Variants in TFEC observed in about 807,000 individuals in gnomAD.
The protein encoded by TFEC is transcription factor EC.
Under a neutral mutation model 41.6 loss-of-function variants are expected in TFEC, and 31 were observed. The observed-to-expected ratio is 0.74, with a 90% CI of 0.56 to 1.01. TFEC has a LOEUF of 1.01. Among genes scored for constraint, TFEC ranks in the 50% least tolerant of loss-of-function variants. TFEC has a pLI of 0.00. For missense variants in TFEC, 402 were observed against 404.1 expected, an observed-to-expected ratio of 0.99 and a Z score of 0.04; for synonymous variants, 143 against 140.6, an observed-to-expected ratio of 1.02 and a Z score of -0.12.
intron 2 of TFEC, among the ~76,000 whole-genome samples, chr7:115,979,884 A>G (rs1223376064): frequency 2.0e-5 from 3 of 152,118 alleles, no homozygotes; most frequent in African/African-American, 4.8e-5. Flanking sequence ...TTCCTGATTC[A>G]GGCTATAACT....
chr7:116,112,318 C>T (rs1159676281), intron 1 of TFEC, among the ~76,000 whole-genome samples: 1 of 151,920 alleles, frequency 6.6e-6, no homozygotes, highest in African/African-American at 2.4e-5. Context: ...TAAGATGTTC[C>T]ACTTGTATAC....
intron 1 of TFEC, among the ~76,000 whole-genome samples, chr7:116,030,237 C>T (rs1795743774): frequency 1.3e-5 from 2 of 151,818 alleles, no homozygotes; most frequent in African/African-American, 4.8e-5. Context: ...CCTTTAAAGC[C>T]AATAAAATAG....
rs1554378531 is a variant in TFEC at position 115,946,419 on chromosome 7, G to GTGTGTT, written c.516-4380_516-4379insAACACA. ...AACGTGTGTGTGTGTGTGTGTGTGT[G>GTGTGTT]TGTGTGTGTGTGTGTGTGTAGGGTC... On this transcript the variant is annotated intron_variant, in intron 6 of 7. Coordinates refer to ENST00000265440, the MANE Select transcript of TFEC (RefSeq NM_012252.4). 4.0e-4 allele frequency among the ~76,000 whole-genome samples: 56 copies of GTGTGTT among 141,516 alleles called. 1 individual carries two copies. Among genetic ancestry groups the GTGTGTT allele is most frequent in the Admixed American group, 5.6e-4 (8 of 14,206 alleles). 92.8% of individuals were successfully genotyped at this position (141,516 alleles called of 152,430 possible).
chr7:115,941,498 T>C, intron 7 of TFEC: 1 of 194,446 alleles, frequency 5.1e-6, no homozygotes, highest in South Asian at 1.8e-4. Context: ...ATGTCCAATA[T>C]AATGTAGAGA....
intron 3 of TFEC, among the ~76,000 whole-genome samples, chr7:116,097,782 T>C (rs1448394291): frequency 6.6e-6 from 1 of 152,196 alleles, no homozygotes; most frequent in Non-Finnish European, 1.5e-5. Context: ...AGGAAGATTA[T>C]TGTGCTGTAA....
Position 115,997,167 on chromosome 7 carries a change from T to C in TFEC, c.-72-12654A>G, listed in dbSNP as rs538392969. On this transcript the variant is annotated intron_variant, in intron 1 of 7. Transcript: ENST00000265440. ...TGCTGGCTTCAGTTCTGACACAGCA[T>C]AGTCCCATTGGAGGTGGCCAGAGGG... Among the ~76,000 whole-genome samples, 12 of 152,278 alleles carry C rather than the reference T, an allele frequency of 7.9e-5. No individual in the cohort carries two copies. The East Asian group carries it at 2.3e-3, about 29-fold the overall frequency.
At chr7:116,135,815 A>G (rs780456826) in intron 1 of TFEC, among the ~76,000 whole-genome samples, 1 of 152,154 alleles carries the variant, frequency 6.6e-6, no homozygotes, top group Non-Finnish European at 1.5e-5. Flanking sequence ...GCTTATAGAT[A>G]TAGTATGAGG....
At chr7:116,088,909 T>C (rs1327473765) in intron 3 of TFEC, among the ~76,000 whole-genome samples, 1 of 151,848 alleles carries the variant, frequency 6.6e-6, no homozygotes, top group Non-Finnish European at 1.5e-5. Flanking sequence ...ATTTACTGAG[T>C]GAGTACAAGG....
At chr7:116,124,772 A>G (rs903392372) in intron 1 of TFEC, among the ~76,000 whole-genome samples, 28 of 152,194 alleles carry the variant, frequency 1.8e-4, no homozygotes, top group African/African-American at 4.8e-4. Flanking sequence ...TCAAACTGAC[A>G]TTTTCAAAGG....
intron 1 of TFEC, among the ~76,000 whole-genome samples, chr7:115,987,470 A>T (rs528511453): frequency 1.1e-4 from 17 of 152,184 alleles, no homozygotes; most frequent in Non-Finnish European, 1.9e-4. Flanking sequence ...AAGTAAATGA[A>T]ATTATAGGTT....
At chr7:115,959,357 GGAGT>G (rs1792409375) in intron 3 of TFEC, among the ~76,000 whole-genome samples, 1 of 151,718 alleles carries the variant, frequency 6.6e-6, no homozygotes. Flanking sequence ...TTTGAGGTGA[GGAGT>G]GAATAACAGT....
intron 1 of TFEC, among the ~76,000 whole-genome samples, chr7:116,133,286 A>G (rs1433478636): frequency 6.6e-6 from 1 of 152,182 alleles, no homozygotes. Context: ...ACGGTGGTTC[A>G]TGCCTGTAAT....
chr7:116,089,180 G>T (rs890148957), intron 3 of TFEC, among the ~76,000 whole-genome samples: 1 of 152,024 alleles, frequency 6.6e-6, no homozygotes, highest in African/African-American at 2.4e-5. Flanking sequence ...GAAAAGCATA[G>T]AATATATCTG....
upstream of TFEC, among the ~76,000 whole-genome samples, chr7:116,031,286 A>C (rs1212682359): frequency 1.3e-5 from 2 of 152,106 alleles, no homozygotes; most frequent in African/African-American, 4.8e-5. Context: ...GATAATTTTT[A>C]TCTTGTCCAA....
At chr7:116,052,897 G>A (rs776424577) in intron 3 of TFEC, among the ~76,000 whole-genome samples, 1 of 151,452 alleles carries the variant, frequency 6.6e-6, no homozygotes, top group Non-Finnish European at 1.5e-5. Flanking sequence ...GTGAAACCCC[G>A]TCTCTACTAA....
At chr7:115,997,447 C>T (rs767614217) in intron 1 of TFEC, among the ~76,000 whole-genome samples, 1 of 152,122 alleles carries the variant, frequency 6.6e-6, no homozygotes, top group Non-Finnish European at 1.5e-5. Context: ...CATCCAAGTC[C>T]CTTTAAATAC....
chr7:116,067,806 T>A (rs1796730274), intron 3 of TFEC, among the ~76,000 whole-genome samples: 1 of 151,952 alleles, frequency 6.6e-6, no homozygotes, highest in South Asian at 2.1e-4. Context: ...TTCGGCCTAA[T>A]AATGTGTTTG....
chr7:115,981,330 AC>A (rs1234694784), intron 2 of TFEC, among the ~76,000 whole-genome samples: 1 of 152,118 alleles, frequency 6.6e-6, no homozygotes, highest in African/African-American at 2.4e-5. Context: ...CTGAGACCTC[AC>A]ATTGAAAAAA....
At chr7:116,132,530 A>C (rs753221395) in intron 1 of TFEC, among the ~76,000 whole-genome samples, 1 of 152,206 alleles carries the variant, frequency 6.6e-6, no homozygotes, top group Non-Finnish European at 1.5e-5. Context: ...ATCCTAAGTA[A>C]AGTTGGCATT....
Sources: allele counts gnomAD v4.1 joint callset (sites outside exome capture counted in the v4.1 genomes callset), GRCh38; gene constraint gnomAD v4.1.1; transcripts MANE v1.5; gene names NCBI Gene and HGNC (gene_info 2026-07-23, HGNC 2026-07-21).